LARP1: variants seen among roughly 807,000 people sequenced by gnomAD.
LARP1 encodes La ribonucleoprotein 1, translational regulator.
LARP1 carries 36 observed loss-of-function variants against 122.7 expected under a neutral mutation model. That is an observed-to-expected ratio of 0.29 (90% CI 0.22 to 0.39). The LOEUF (loss-of-function observed/expected upper bound fraction) is 0.39, where lower values mean the gene tolerates loss of function less well. LARP1 is among the 10% of genes least tolerant of loss of function. LARP1 has a pLI of 1.00. For synonymous variants in LARP1, 539 were observed against 528.7 expected (o/e 1.02, Z -0.27); for missense variants, 1,040 against 1,403.6 (o/e 0.74, Z 4.14).
intron 16 of LARP1, among the ~76,000 whole-genome samples, chr5:154,809,831 G>C (rs1004887877): frequency 2.0e-5 from 3 of 150,148 alleles, no homozygotes; most frequent in African/African-American, 7.4e-5. Context: ...TCAGCCTACC[G>C]AGTAGCTGGG....
Position 154,756,315 on chromosome 5 carries a change from A to T in LARP1, c.436+122A>T, listed in dbSNP as rs1753892648. On this transcript the variant is annotated intron_variant, in intron 1 of 18. Transcript: ENST00000518297. ...CGGTCATGGTGACTCGGGACTTTTTAAAATTGCCTCCTGGTTGATCCTGGT... is the reference window on the plus strand; with the variant it reads ...CGGTCATGGTGACTCGGGACTTTTTTAAATTGCCTCCTGGTTGATCCTGGT... The T allele has an allele frequency of 5.3e-6, 5 of 939,166 alleles. 1 individual carries two copies. The South Asian group carries it at 1.1e-4, about 21-fold the overall frequency. 58.2% of individuals were successfully genotyped at this position (939,166 alleles called of 1,614,324 possible). A position where few individuals can be genotyped will look rare whatever the true frequency, so the allele number is the denominator to read the frequency against.
intron 3 of LARP1, chr5:154,791,797 G>A: frequency 3.1e-6 from 1 of 319,104 alleles, no homozygotes; most frequent in Non-Finnish European, 6.6e-6. Context: ...TTTTTGTTCT[G>A]CATTCGGTTT....
In LARP1 at chr5:154,803,808, G is replaced by C; in HGVS notation, c.2439+63G>C. The stretch of plus-strand genomic sequence containing the variant: ...CTACTTCATTGCATTCCAGTGCTTT[G>C]CTTCTCTCCCTTGCCTTGTCTGAGC... On this transcript the variant is annotated intron_variant, in intron 13 of 18. Coordinates refer to ENST00000518297, the MANE Select transcript of LARP1 (RefSeq NM_033551.3). The surrounding 1 kb of genome is among the most constrained non-coding windows in gnomAD (Gnocchi z 4.4). The C allele has an allele frequency of 6.7e-7, 1 of 1,496,664 alleles. No homozygotes were observed. 92.7% of individuals were successfully genotyped at this position (1,496,664 alleles called of 1,614,324 possible). A position where few individuals can be genotyped will look rare whatever the true frequency, so the allele number is the denominator to read the frequency against.
At chr5:154,772,980 C>CTTTTTT (rs545991732) in intron 1 of LARP1, among the ~76,000 whole-genome samples, 1 of 115,108 alleles carries the variant, frequency 8.7e-6, no homozygotes, top group African/African-American at 3.5e-5. Flanking sequence ...CGCACCTGGC[C>CTTTTTT]TTTTTTTTTT....
chr5:154,795,149 G>A (rs771994135), intron 7 of LARP1, 26 bp from the exon 8 acceptor site: 7 of 1,611,146 alleles, frequency 4.3e-6, no homozygotes, highest in Middle Eastern at 1.7e-4. Context: ...ATCCCTCGGT[G>A]ATAACTACTT....
In LARP1 at chr5:154,749,758, A is replaced by G. The variant is rs146350129; in HGVS notation, c.205+36628A>G. Among the ~76,000 whole-genome samples the G allele has an allele frequency of 8.0e-3, 1,216 of 152,310 alleles. 17 individuals are homozygous for G. Among genetic ancestry groups the G allele is most frequent in the African/African-American group, 0.026 (1,083 of 41,560 alleles). ...CTTCATACCCAAGGGGCCCCATAGC[A>G]GAAGTAAGTGATTAGTGCAAGCTCT... is the stretch of plus-strand genomic sequence containing the variant. On this transcript the variant is annotated intron_variant, in intron 1 of 18. Coordinates refer to the LARP1 transcript ENST00000336314.
At chr5:154,764,624 G>T (rs77730813) in intron 1 of LARP1, among the ~76,000 whole-genome samples, 6,727 of 141,634 alleles carry the variant, frequency 0.047, 302 homozygotes, top group African/African-American at 0.12. Flanking sequence ...AAAAAAACTG[G>T]CTGGGCGTAG....
intron 1 of LARP1, among the ~76,000 whole-genome samples, chr5:154,734,776 T>C (rs1756783186): frequency 6.6e-6 from 1 of 152,174 alleles, no homozygotes; most frequent in South Asian, 2.1e-4. Context: ...CCAGAACTTT[T>C]TTATCTTGCT....
chr5:154,746,280 T>G (rs1753194461), intron 1 of LARP1, among the ~76,000 whole-genome samples: 1 of 152,238 alleles, frequency 6.6e-6, no homozygotes, highest in African/African-American at 2.4e-5. Flanking sequence ...CCTTCTGTCT[T>G]GGAGCTTGGC....
chr5:154,691,052 G>A (rs1033594348), intron 1 of LARP1, among the ~76,000 whole-genome samples: 1 of 152,058 alleles, frequency 6.6e-6, no homozygotes, highest in African/African-American at 2.4e-5. Flanking sequence ...GAGGTCAGGA[G>A]ATCGAGACCA....
At chr5:154,807,907 T>C (rs1758916005) in intron 15 of LARP1, among the ~76,000 whole-genome samples, 1 of 152,234 alleles carries the variant, frequency 6.6e-6, no homozygotes, top group Non-Finnish European at 1.5e-5. Context: ...TAGGAATTCC[T>C]TTATCAAATA....
Position 154,792,746 on chromosome 5 carries a change from A to G in LARP1, c.689A>G (p.Glu230Gly). ...SPKTKSDESG[E>G]EKNGDEDCQR... ...AAAACCAAATCAGATGAATCAGGGG[A>G]GGAAAAGAATGGAGATGAGGATTGC... Residue 230 changes from glutamate (E) to glycine (G), a missense_variant, in exon 4 of 19, where the codon GAG (glutamate) becomes GGG (glycine). Glu to Gly is a moderately conservative substitution (Grantham distance 98). This residue lies in a region of LARP1 where 257 missense variants were observed against 273.3 expected (regional missense o/e 0.94). Coordinates refer to ENST00000518297, the MANE Select transcript of LARP1 (RefSeq NM_033551.3). The G allele has an allele frequency of 6.2e-7, 1 of 1,614,164 alleles. No homozygotes were observed. The highest frequency in any genetic ancestry group is 8.5e-7 in the Non-Finnish European group (1 of 1,180,010).
intron 1 of LARP1, among the ~76,000 whole-genome samples, chr5:154,750,181 T>TTTTTG (rs886246919): frequency 2.6e-5 from 4 of 152,128 alleles, no homozygotes; most frequent in South Asian, 4.1e-4. Context: ...TACAAATAGG[T>TTTTTG]TTTTGTTTTG....
intron 1 of LARP1, among the ~76,000 whole-genome samples, chr5:154,762,724 G>A (rs1689514886): frequency 6.6e-6 from 1 of 152,156 alleles, no homozygotes; most frequent in African/African-American, 2.4e-5. Flanking sequence ...CTTGTTTACA[G>A]GCCACTTTGT....
chr5:154,781,388 C>T (rs565672407), intron 1 of LARP1, among the ~76,000 whole-genome samples: 50 of 152,218 alleles, frequency 3.3e-4, no homozygotes, highest in African/African-American at 1.0e-3. Context: ...GTCAGGAGAT[C>T]GAGACCATCC....
chr5:154,746,964 G>A (rs574730469), intron 1 of LARP1, among the ~76,000 whole-genome samples: 10 of 152,046 alleles, frequency 6.6e-5, no homozygotes, highest in African/African-American at 2.2e-4. Flanking sequence ...GTGAAACTCC[G>A]TCTCTACTAA....
intron 1 of LARP1, among the ~76,000 whole-genome samples, chr5:154,778,443 GC>G: frequency 6.6e-6 from 1 of 152,214 alleles, no homozygotes; most frequent in East Asian, 1.9e-4. Context: ...CCATTGCTGA[GC>G]AAAAAATCTC....
upstream of LARP1, among the ~76,000 whole-genome samples, chr5:154,755,144 C>A (rs145121686): frequency 0.018 from 2,738 of 151,740 alleles, 60 homozygotes; most frequent in African/African-American, 0.062. Flanking sequence ...ACCCCCAGCC[C>A]GGGAGGTGCT....
intron 1 of LARP1, among the ~76,000 whole-genome samples, chr5:154,719,824 T>C (rs1302730684): frequency 6.7e-6 from 1 of 148,436 alleles, no homozygotes; most frequent in Admixed American, 6.8e-5. Context: ...ATTGTGCCAC[T>C]GCACTCCAGC....
Sources: allele counts gnomAD v4.1 joint callset (sites outside exome capture counted in the v4.1 genomes callset), GRCh38; gene constraint gnomAD v4.1.1; regional missense constraint gnomAD v4.1.1; non-coding constraint Gnocchi (gnomAD v3.1); transcripts MANE v1.5; gene names NCBI Gene and HGNC (gene_info 2026-07-23, HGNC 2026-07-21).